GPHN: variants seen among roughly 807,000 people sequenced by gnomAD.
GPHN encodes the protein gephyrin.
A neutral mutation model predicts 95.5 loss-of-function variants in GPHN; 17 were observed. The observed-to-expected ratio is 0.18, with a 90% confidence interval of 0.12 to 0.27. The LOEUF is 0.27. GPHN is among the 10% of genes least tolerant of loss of function. The pLI, the probability that GPHN is intolerant of heterozygous loss-of-function variation, is 1.00. For synonymous variants in GPHN, 320 were observed against 322.5 expected (o/e 0.99, Z 0.08); for missense variants, 660 against 978.1 (o/e 0.67, Z 4.34).
At chr14:66,675,460 A>G (rs1253647865) in intron 1 of GPHN, among the ~76,000 whole-genome samples, 2 of 152,000 alleles carry the variant, frequency 1.3e-5, no homozygotes, top group Non-Finnish European at 2.9e-5. Context: ...TCCAGTTTTT[A>G]ATCAGATTTT....
the GPHN span, among the ~76,000 whole-genome samples, chr14:67,252,838 G>T: frequency 6.6e-6 from 1 of 152,164 alleles, no homozygotes; most frequent in Non-Finnish European, 1.5e-5. Flanking sequence ...TTCTGTTCTA[G>T]TCATCTCCCA....
chr14:67,304,756 C>G, the GPHN span, among the ~76,000 whole-genome samples: 1 of 152,016 alleles, frequency 6.6e-6, no homozygotes. Flanking sequence ...TAAAACCATC[C>G]AATTGTGTAC....
At chr14:66,766,325 G>T (rs1335400955) in intron 2 of GPHN, among the ~76,000 whole-genome samples, 1 of 152,114 alleles carries the variant, frequency 6.6e-6, no homozygotes, top group East Asian at 1.9e-4. Flanking sequence ...TGAATTTTAA[G>T]CCCTGCCAAG....
At chr14:66,903,060 G>A (rs1345269846) in intron 5 of GPHN, among the ~76,000 whole-genome samples, 3 of 152,072 alleles carry the variant, frequency 2.0e-5, no homozygotes, top group African/African-American at 7.2e-5. Context: ...AAGAAGAAAA[G>A]AATGTGTATT....
At chr14:67,301,562 T>G in the GPHN span, 1 of 706,092 alleles carries the variant, frequency 1.4e-6, no homozygotes, top group Non-Finnish European at 2.3e-6. Flanking sequence ...TGTCAAACAT[T>G]CTCTAGCCTA....
At chr14:67,681,014 T>C in the GPHN span, among the ~76,000 whole-genome samples, 1 of 152,258 alleles carries the variant, frequency 6.6e-6, no homozygotes, top group Non-Finnish European at 1.5e-5. Context: ...ACTCCAATTG[T>C]GTTCCCCCAA....
chr14:67,000,016 T>C (rs1387400105), intron 9 of GPHN, among the ~76,000 whole-genome samples: 5 of 151,880 alleles, frequency 3.3e-5, no homozygotes, highest in African/African-American at 1.2e-4. Flanking sequence ...TAATTTGACA[T>C]TTAGATGCTA....
At chr14:67,178,141 A>G (rs1462990196) in intron 21 of GPHN, among the ~76,000 whole-genome samples, 1 of 152,202 alleles carries the variant, frequency 6.6e-6, no homozygotes, top group Non-Finnish European at 1.5e-5. Context: ...TAGTTGATGC[A>G]GTTTCCTCAT....
At chr14:67,081,598 A>G (rs996347385) in intron 11 of GPHN, among the ~76,000 whole-genome samples, 3 of 152,076 alleles carry the variant, frequency 2.0e-5, no homozygotes, top group Non-Finnish European at 4.4e-5. Flanking sequence ...AACTTTTTAG[A>G]TTAATTAAGT....
chr14:67,418,377 G>A, the GPHN span, among the ~76,000 whole-genome samples: 1 of 152,118 alleles, frequency 6.6e-6, no homozygotes, highest in African/African-American at 2.4e-5. Flanking sequence ...CCTAAGTCAG[G>A]GGTCCATGGC....
the GPHN span, among the ~76,000 whole-genome samples, chr14:67,275,028 G>A: frequency 2.6e-5 from 4 of 152,174 alleles, no homozygotes; most frequent in Admixed American, 6.5e-5. Flanking sequence ...GGCTGAGACA[G>A]TGGGGTTTTC....
intron 8 of GPHN, among the ~76,000 whole-genome samples, chr14:66,932,015 A>G (rs111506655): frequency 5.2e-4 from 79 of 152,264 alleles, no homozygotes; most frequent in African/African-American, 1.6e-3. Flanking sequence ...CAAATACTCA[A>G]AGGGAATTAA....
intron 2 of GPHN, among the ~76,000 whole-genome samples, chr14:66,757,359 C>CAT (rs2058597232): frequency 9.2e-6 from 1 of 108,668 alleles, no homozygotes; most frequent in African/African-American, 5.8e-5. Context: ...CACACACACA[C>CAT]ACAAATATAA....
the GPHN span, among the ~76,000 whole-genome samples, chr14:67,283,421 A>G: frequency 2.0e-5 from 3 of 152,174 alleles, no homozygotes; most frequent in African/African-American, 7.2e-5. Flanking sequence ...AAACTTTTTT[A>G]AAGGTTGGCT....
At chr14:67,348,135 C>T in the GPHN span, among the ~76,000 whole-genome samples, 6 of 151,638 alleles carry the variant, frequency 4.0e-5, no homozygotes, top group South Asian at 6.3e-4. Context: ...AGTACAATGG[C>T]GCAATCTCGG....
the GPHN span, among the ~76,000 whole-genome samples, chr14:67,687,878 T>C: frequency 2.0e-5 from 3 of 151,890 alleles, no homozygotes; most frequent in African/African-American, 7.3e-5. Flanking sequence ...TTCAGGCGAT[T>C]CTCCTGCCTC....
At chr14:66,847,127 C>T (rs1186575332) in intron 4 of GPHN, among the ~76,000 whole-genome samples, 2 of 152,106 alleles carry the variant, frequency 1.3e-5, no homozygotes, top group Non-Finnish European at 2.9e-5. Flanking sequence ...ACTTTACTAA[C>T]ACATTTTTCC....
At chr14:66,636,807 T>TA (rs2064127308) in intron 1 of GPHN, among the ~76,000 whole-genome samples, 1 of 152,162 alleles carries the variant, frequency 6.6e-6, no homozygotes, top group South Asian at 2.1e-4. Context: ...GAATATATAA[T>TA]AAGGCTCTAA....
chr14:67,099,715 G>C (rs890989063), intron 12 of GPHN, among the ~76,000 whole-genome samples: 4 of 151,952 alleles, frequency 2.6e-5, no homozygotes, highest in Admixed American at 2.6e-4. Flanking sequence ...CATTATAAAC[G>C]GTGTTTTATA....
Sources: gnomAD v4.1 joint callset for allele counts (sites outside exome capture counted in the v4.1 genomes callset) on GRCh38, gnomAD v4.1.1 for gene constraint, MANE v1.5 for transcripts, NCBI Gene and HGNC (gene_info 2026-07-23, HGNC 2026-07-21) for gene names.